The following PRR14L variants were observed in gnomAD, a reference collection of about 807,000 sequenced individuals.
PRR14L encodes the protein protein PRR14L.
Under a neutral mutation model 155.0 loss-of-function variants are expected in PRR14L, and 80 were observed. The observed-to-expected ratio is 0.52, with a 90% CI of 0.43 to 0.62. The LOEUF (loss-of-function observed/expected upper bound fraction) is 0.62, where lower values mean the gene tolerates loss of function less well. Ranked by LOEUF, PRR14L falls within the 20% of genes least tolerant of loss-of-function variation. The pLI is 0.00. For missense variants in PRR14L, 2,469 were observed against 2,548.0 expected (o/e 0.97, Z 0.67); for synonymous variants, 883 against 916.0 (o/e 0.96, Z 0.65).
chr22:31,712,508 T>G lies in PRR14L; in HGVS notation c.5331A>C (p.Thr1777=), dbSNP rs935468400. 21 of 1,551,932 alleles carry G rather than the reference T, an allele frequency of 1.4e-5. No homozygotes were observed. Among genetic ancestry groups the G allele is most frequent in the Non-Finnish European group, 1.6e-5 (18 of 1,147,058 alleles). Residue 1777 remains threonine (T), a synonymous_variant, in exon 4 of 9, where the codon ACA becomes ACC. Coordinates refer to ENST00000327423, the MANE Select transcript of PRR14L (RefSeq NM_173566.3). The part of the protein sequence containing the change: ...FLSHGCPGMA[T]FREDTGVHSQ... ...TATGGACGCCAGTGTCTTCCCTGAA[T>G]GTTGCCATCCCAGGGCAACCGTGGG...
At chr22:31,740,654 C>G (rs1185619468) in intron 1 of PRR14L, among the ~76,000 whole-genome samples, 2 of 152,134 alleles carry the variant, frequency 1.3e-5, no homozygotes, top group African/African-American at 4.8e-5. Flanking sequence ...AGTCACCATG[C>G]CTGACCCACA....
chr22:31,706,512 C>T lies in PRR14L; in HGVS notation c.5757-1786G>A, dbSNP rs1011989225. 8.0e-5 allele frequency among the ~76,000 whole-genome samples: 12 copies of T among 150,050 alleles called. No homozygotes were observed. The South Asian group carries it at 2.5e-3, about 32-fold the overall frequency. On this transcript the variant is annotated intron_variant, in intron 4 of 8. Transcript: ENST00000327423. ...CGATCTCATCTCACTGCAACCTCTA[C>T]CTTGTGGGTTCAAGGAATTCTCCTG...
intron 1 of PRR14L, among the ~76,000 whole-genome samples, chr22:31,745,554 A>G (rs2074833032): frequency 1.3e-5 from 2 of 151,966 alleles, no homozygotes; most frequent in South Asian, 4.1e-4. Flanking sequence ...ATGTAGAAAT[A>G]CATCTCTACA....
chr22:31,726,442 T>C (rs1425124315), intron 2 of PRR14L, among the ~76,000 whole-genome samples: 1 of 152,080 alleles, frequency 6.6e-6, no homozygotes, highest in Non-Finnish European at 1.5e-5. Flanking sequence ...AATTTTTGTA[T>C]TTTTAGTAGA....
At chr22:31,723,344 T>C (rs891345390) in intron 3 of PRR14L, among the ~76,000 whole-genome samples, 2 of 152,208 alleles carry the variant, frequency 1.3e-5, no homozygotes, top group African/African-American at 4.8e-5. Context: ...CTATGTCCAA[T>C]GTGGACCAGC....
At position 31,728,781 on chromosome 22, in the gene PRR14L, T is replaced by C. The variant is rs558463054; in HGVS notation, c.475-3171A>G. 8.6e-5 allele frequency among the ~76,000 whole-genome samples: 13 copies of C among 151,924 alleles called. No individual in the cohort carries two copies. The East Asian group carries it at 2.3e-3, about 27-fold the overall frequency. ...TGAGTTGAATACAACCAATGTATTG[T>C]ATCCTAGAACCAAAGTGTTTACAAC... On this transcript the variant is annotated intron_variant, in intron 2 of 8. Coordinates refer to ENST00000327423, the MANE Select transcript of PRR14L (RefSeq NM_173566.3).
Position 31,738,515 on chromosome 22 carries a change from T to C in PRR14L, c.346A>G (p.Ser116Gly), listed in dbSNP as rs937715002. 2.6e-6 allele frequency: 4 copies of C among 1,551,898 alleles called. No homozygotes were observed. The highest frequency in any genetic ancestry group is 3.5e-6 in the Non-Finnish European group (4 of 1,147,084). Residue 116 changes from serine (S) to glycine (G), a missense_variant, in exon 2 of 9, where the codon AGC (serine) becomes GGC (glycine). Ser to Gly is a moderately conservative substitution (Grantham distance 56). Coordinates refer to ENST00000327423, the MANE Select transcript of PRR14L (RefSeq NM_173566.3). ...GILDRAKRSESMEPKVFRDPG... is the reference protein window; with the variant it reads ...GILDRAKRSEGMEPKVFRDPG... ...TCTCTGAAGACCTTTGGCTCCATGCTCTCGCTTCTCTTTGCCCTATCCAAG... is the reference window on the plus strand; with the variant it reads ...TCTCTGAAGACCTTTGGCTCCATGCCCTCGCTTCTCTTTGCCCTATCCAAG...
chr22:31,728,974 T>C (rs991208020), intron 2 of PRR14L, among the ~76,000 whole-genome samples: 1 of 152,322 alleles, frequency 6.6e-6, no homozygotes, highest in East Asian at 1.9e-4. Flanking sequence ...CCATCTCTGA[T>C]TATCTTTGGT....
chr22:31,713,165 G>A lies in PRR14L; in HGVS notation c.4674C>T (p.Pro1558=). The A allele has an allele frequency of 6.4e-7, 1 of 1,551,960 alleles. No homozygotes were observed. Among genetic ancestry groups the A allele is most frequent in the Non-Finnish European group, 8.7e-7 (1 of 1,147,058 alleles). ...AFLKSSSNPI[P]TKAHRLLSLC... ...AACTGAGAAGTCTGTGCGCTTTTGT[G>A]GGGATGGGATTGGAAGAACTCTTTA... is the stretch of plus-strand genomic sequence containing the variant. The change falls in exon 4 of 9, where the codon CCC becomes CCT. Residue 1558 remains proline, a synonymous_variant. Transcript: ENST00000327423.
intron 1 of PRR14L, among the ~76,000 whole-genome samples, chr22:31,744,028 A>G (rs1038520123): frequency 3.0e-4 from 45 of 151,796 alleles, no homozygotes; most frequent in Non-Finnish European, 4.4e-4. Context: ...ATTAAAAAAA[A>G]AAAAAAAAAG....
At chr22:31,719,053 GAC>G (rs1001210228) in intron 3 of PRR14L, among the ~76,000 whole-genome samples, 11 of 151,832 alleles carry the variant, frequency 7.2e-5, no homozygotes, top group African/African-American at 2.4e-4. Flanking sequence ...TAGCCTGGGT[GAC>G]AGAGCAAGAC....
intron 7 of PRR14L, among the ~76,000 whole-genome samples, chr22:31,698,351 A>G (rs2074545556): frequency 6.6e-6 from 1 of 151,986 alleles, no homozygotes; most frequent in South Asian, 2.1e-4. Flanking sequence ...ATCCCCATTA[A>G]CAATACCAAA....
chr22:31,688,027 CAAAAAAAAA>C, intron 8 of PRR14L, 120 bp downstream of exon 8: 1 of 577,922 alleles, frequency 1.7e-6, no homozygotes, highest in Non-Finnish European at 2.4e-6. Flanking sequence ...GACTCTGTCT[CAAAAAAAAA>C]AAAAAAAAGA....
At chr22:31,685,874 T>C in intron 8 of PRR14L, 71 bp from the exon 9 acceptor site, 1 of 1,416,742 alleles carries the variant, frequency 7.1e-7, no homozygotes, top group Non-Finnish European at 9.6e-7. Flanking sequence ...AGGGTCAGGA[T>C]GTTGACGCTG....
intron 8 of PRR14L, 78 bp downstream of exon 8, chr22:31,688,078 T>C (rs2074491569): frequency 7.1e-7 from 1 of 1,409,188 alleles, no homozygotes; most frequent in Non-Finnish European, 9.7e-7. Context: ...CATAAACTCT[T>C]TCTAAAGTGA....
At chr22:31,730,162 G>T (rs575746216) in intron 2 of PRR14L, among the ~76,000 whole-genome samples, 1 of 151,272 alleles carries the variant, frequency 6.6e-6, no homozygotes, top group Non-Finnish European at 1.5e-5. Context: ...AAAAATCGCC[G>T]GGCGCTGTGG....
At chr22:31,748,425 C>G (rs1346672550) in intron 1 of PRR14L, among the ~76,000 whole-genome samples, 3 of 118,932 alleles carry the variant, frequency 2.5e-5, no homozygotes, top group African/African-American at 1.1e-4. Context: ...GAAAAAGGAT[C>G]CCTGTCTCCA....
Position 31,717,142 on chromosome 22 carries a change from C to A in PRR14L, c.697G>T (p.Glu233Ter). The A allele has an allele frequency of 6.4e-7, 1 of 1,552,322 alleles. No individual in the cohort carries two copies. The highest frequency in any genetic ancestry group is 8.7e-7 in the Non-Finnish European group (1 of 1,147,126). ...DLSAGCGEFQ[E>*]VDKIMTSDEV... Reference sequence around the variant, plus strand: ...TCACTGGTCATGATTTTGTCTACTTCTTGGAATTCACCGCATCCAGCTGAG... The same window carrying A: ...TCACTGGTCATGATTTTGTCTACTTATTGGAATTCACCGCATCCAGCTGAG... The change falls in exon 4 of 9, where the codon GAA becomes TAA. Residue 233 changes from glutamate (E) to a stop codon, truncating the protein, a stop_gained. Transcript: ENST00000327423. LOFTEE classifies it high-confidence loss of function.
intron 2 of PRR14L, among the ~76,000 whole-genome samples, chr22:31,729,159 C>T (rs968987233): frequency 6.6e-6 from 1 of 152,232 alleles, no homozygotes; most frequent in Non-Finnish European, 1.5e-5. Flanking sequence ...TAAGATAGTT[C>T]ACCCTCAGCA....
Sources: gnomAD v4.1 joint callset for allele counts (sites outside exome capture counted in the v4.1 genomes callset) on GRCh38, gnomAD v4.1.1 for gene constraint, MANE v1.5 for transcripts, NCBI Gene and HGNC (gene_info 2026-07-23, HGNC 2026-07-21) for gene names.